The following ARHGAP24 variants were observed in gnomAD, a reference collection of about 807,000 sequenced individuals.
ARHGAP24 encodes the protein rho GTPase-activating protein 24.
A neutral mutation model predicts 76.4 loss-of-function variants in ARHGAP24; 50 were observed. The observed-to-expected ratio is 0.65, with a 90% CI of 0.52 to 0.83. The LOEUF (loss-of-function observed/expected upper bound fraction) is 0.83, where lower values mean the gene tolerates loss of function less well. ARHGAP24 is among the 40% of genes least tolerant of loss of function. The probability of loss-of-function intolerance (pLI) is 0.00; values close to 1 mark genes in which losing one functional copy is unlikely to be tolerated. For missense variants in ARHGAP24, 930 were observed against 914.2 expected, an observed-to-expected ratio of 1.02 and a Z score of -0.22; for synonymous variants, 345 against 323.3, an observed-to-expected ratio of 1.07 and a Z score of -0.72.
At chr4:85,842,595 TTCCGTGG>T (rs1326049604) in intron 3 of ARHGAP24, among the ~76,000 whole-genome samples, 2 of 152,172 alleles carry the variant, frequency 1.3e-5, no homozygotes, top group East Asian at 3.8e-4. Flanking sequence ...AACTTAATTA[TTCCGTGG>T]TCATGAATTC....
chr4:85,685,729 T>A (rs947755214), intron 2 of ARHGAP24, among the ~76,000 whole-genome samples: 1 of 152,180 alleles, frequency 6.6e-6, no homozygotes, highest in East Asian at 1.9e-4. Context: ...ATATTTTAGG[T>A]TTTTGTTACA....
chr4:85,567,544 G>A (rs1726897461), intron 1 of ARHGAP24, among the ~76,000 whole-genome samples: 1 of 152,164 alleles, frequency 6.6e-6, no homozygotes, highest in African/African-American at 2.4e-5. Context: ...GTTTCAAAGG[G>A]AGATCGTGTT....
At chr4:85,479,049 T>C (rs1319032835) in intron 1 of ARHGAP24, among the ~76,000 whole-genome samples, 1 of 152,154 alleles carries the variant, frequency 6.6e-6, no homozygotes, top group Non-Finnish European at 1.5e-5. Flanking sequence ...CCCCAATAAG[T>C]GGGCAAGTGA....
At chr4:85,793,428 A>T (rs1397846177) in intron 3 of ARHGAP24, among the ~76,000 whole-genome samples, 2 of 152,126 alleles carry the variant, frequency 1.3e-5, no homozygotes, top group Admixed American at 1.3e-4. Flanking sequence ...GTAAGTTACT[A>T]AGCTCCTAAA....
At chr4:85,895,377 C>A (rs957851674) in intron 3 of ARHGAP24, among the ~76,000 whole-genome samples, 5 of 152,090 alleles carry the variant, frequency 3.3e-5, no homozygotes, top group African/African-American at 1.2e-4. Context: ...TACACTATGG[C>A]CAGTTGTTCA....
chr4:85,519,736 G>A (rs1459426745), intron 1 of ARHGAP24, among the ~76,000 whole-genome samples: 1 of 152,154 alleles, frequency 6.6e-6, no homozygotes, highest in Admixed American at 6.6e-5. Flanking sequence ...TCAGCTTGCT[G>A]TAGGATTAAG....
chr4:85,828,673 A>C (rs941440828), intron 3 of ARHGAP24, among the ~76,000 whole-genome samples: 3 of 152,228 alleles, frequency 2.0e-5, no homozygotes, highest in Non-Finnish European at 2.9e-5. Flanking sequence ...TACAACTGCT[A>C]TGTAAGCTTG....
intron 2 of ARHGAP24, among the ~76,000 whole-genome samples, chr4:85,683,117 T>A (rs796179522): frequency 1.8e-5 from 1 of 56,948 alleles, no homozygotes; most frequent in Non-Finnish European, 3.5e-5. Context: ...TGTGGGGGGG[T>A]GGGGGGGGGG....
At chr4:85,976,886 G>A (rs575923222) in intron 7 of ARHGAP24, among the ~76,000 whole-genome samples, 55 of 150,764 alleles carry the variant, frequency 3.6e-4, no homozygotes, top group African/African-American at 1.0e-3. Context: ...GAGTTCAAGC[G>A]ATTCTCCTGC....
chr4:85,605,904 A>G (rs1720177141), intron 2 of ARHGAP24, among the ~76,000 whole-genome samples: 1 of 152,222 alleles, frequency 6.6e-6, no homozygotes, highest in Non-Finnish European at 1.5e-5. Flanking sequence ...TGTGTTCAGT[A>G]ATCAGCGTTT....
At chr4:85,930,819 TCAGCA>T (rs1736286746) in intron 4 of ARHGAP24, 13 of 1,558,574 alleles carry the variant, frequency 8.3e-6, no homozygotes, top group African/African-American at 1.4e-5. Context: ...ATTCTAGGGA[TCAGCA>T]CTTCAAAAAT....
chr4:85,994,823 G>C lies in ARHGAP24; in HGVS notation c.1169G>C (p.Gly390Ala). 1.9e-6 allele frequency: 3 copies of C among 1,614,106 alleles called. No homozygotes were observed. Among genetic ancestry groups the C allele is most frequent in the Non-Finnish European group, 2.5e-6 (3 of 1,180,012 alleles). ...ESPQRSSMNN[G>A]SPTALSGSKT... ...CCCCAGAGAAGCAGCATGAACAATG[G>C]ATCCCCCACAGCTCTATCAGGCAGC... Residue 390 changes from glycine (G) to alanine (A), a missense_variant, in exon 9 of 10, where the codon GGA (glycine) becomes GCA (alanine). Physicochemically the swap from Gly to Ala is moderately conservative, Grantham distance 60. Transcript: ENST00000395184.
chr4:85,908,010 C>A (rs1156511400), intron 3 of ARHGAP24, among the ~76,000 whole-genome samples: 1 of 152,112 alleles, frequency 6.6e-6, no homozygotes, highest in Admixed American at 6.5e-5. Context: ...AAGTTCAGAG[C>A]AGGTGGAAAC....
chr4:85,840,013 CTAACTTTTTT>C (rs1016610228), intron 3 of ARHGAP24, among the ~76,000 whole-genome samples: 2 of 117,416 alleles, frequency 1.7e-5, no homozygotes, highest in African/African-American at 6.1e-5. Flanking sequence ...CCATGCCTGG[CTAACTTTTTT>C]TTTTTTTTTT....
At chr4:85,562,579 C>T (rs1726641398) in intron 1 of ARHGAP24, among the ~76,000 whole-genome samples, 1 of 152,134 alleles carries the variant, frequency 6.6e-6, no homozygotes, top group South Asian at 2.1e-4. Context: ...GACTCTTGCC[C>T]CTTCTCTCTA....
intron 2 of ARHGAP24, among the ~76,000 whole-genome samples, chr4:85,711,786 T>C (rs567607136): frequency 9.5e-4 from 144 of 152,332 alleles, no homozygotes; most frequent in African/African-American, 3.2e-3. Context: ...AGGTTAATTC[T>C]AGGTCCTTTC....
chr4:85,983,776 T>C (rs1739826053), intron 8 of ARHGAP24, among the ~76,000 whole-genome samples: 1 of 152,170 alleles, frequency 6.6e-6, no homozygotes. Flanking sequence ...GCAGGGTCTC[T>C]TGTCTTCTTC....
intron 4 of ARHGAP24, among the ~76,000 whole-genome samples, chr4:85,935,324 C>T (rs892002117): frequency 4.6e-5 from 7 of 152,092 alleles, no homozygotes; most frequent in South Asian, 2.1e-4. Flanking sequence ...CTTGGAATAA[C>T]GAAACATAAA....
chr4:85,915,480 T>G (rs567029439), intron 3 of ARHGAP24, among the ~76,000 whole-genome samples: 126 of 152,322 alleles, frequency 8.3e-4, no homozygotes, highest in African/African-American at 2.9e-3. Context: ...TGCAGGTTTG[T>G]TACATAGGTA....
Sources: gnomAD v4.1 joint callset for allele counts (sites outside exome capture counted in the v4.1 genomes callset) on GRCh38, gnomAD v4.1.1 for gene constraint, MANE v1.5 for transcripts, NCBI Gene and HGNC (gene_info 2026-07-23, HGNC 2026-07-21) for gene names.